Variants in PRAG1 observed in about 807,000 individuals in gnomAD.
PRAG1 encodes the protein PEAK1 related, kinase-activating pseudokinase 1.
Under a neutral mutation model 95.6 loss-of-function variants are expected in PRAG1, and 110 were observed. The ratio of observed to expected loss-of-function variants is 1.15; its 90% CI spans 0.99 to 1.35. PRAG1 has a LOEUF of 1.35. Ranked by LOEUF, PRAG1 falls within the 40% of genes most tolerant of loss-of-function variation. PRAG1 has a pLI of 0.00. For missense variants in PRAG1, 2,554 were observed against 1,864.7 expected, an observed-to-expected ratio of 1.37 and a Z score of -6.81; for synonymous variants, 1,052 against 819.4, an observed-to-expected ratio of 1.28 and a Z score of -4.85.
chr8:8,348,277 T>C (rs1370532332), intron 3 of PRAG1, among the ~76,000 whole-genome samples: 2 of 152,180 alleles, frequency 1.3e-5, no homozygotes, highest in Non-Finnish European at 2.9e-5. Context: ...AAAATCTTTG[T>C]AAAATGGACG....
In PRAG1 at chr8:8,376,996, T is replaced by C. The variant is rs1293265241; in HGVS notation, c.1413A>G (p.Ser471=). The C allele has an allele frequency of 1.2e-6, 2 of 1,613,706 alleles. No individual in the cohort carries two copies. The highest frequency in any genetic ancestry group is 1.3e-5 in the African/African-American group (1 of 74,938). ...RDSPDPTPQV[S]ATITVMAAHP... ...GGGCCGCCATGACTGTGATGGTGGC[T>C]GACACCTGGGGAGTTGGGTCTGGGC... is the stretch of plus-strand genomic sequence containing the variant. The change falls in exon 3 of 6, where the codon TCA becomes TCG. Residue 471 remains serine (S), a synonymous_variant. Coordinates refer to ENST00000615670, the MANE Select transcript of PRAG1 (RefSeq NM_001080826.3).
At chr8:8,324,674 CG>C in intron 5 of PRAG1, among the ~76,000 whole-genome samples, 1 of 152,304 alleles carries the variant, frequency 6.6e-6, no homozygotes, top group East Asian at 1.9e-4. Context: ...AAGTTTCTAA[CG>C]TTTTGCTGAG....
intron 3 of PRAG1, among the ~76,000 whole-genome samples, chr8:8,348,498 T>C (rs1178887057): frequency 1.3e-5 from 2 of 152,166 alleles, no homozygotes; most frequent in African/African-American, 4.8e-5. Context: ...CAAAGTATCA[T>C]CATTTTGGTT....
chr8:8,369,227 T>C (rs773936738), intron 3 of PRAG1, among the ~76,000 whole-genome samples: 6 of 152,110 alleles, frequency 3.9e-5, no homozygotes, highest in African/African-American at 7.2e-5. Context: ...TAATTCTCCA[T>C]TGAACATCTA....
intron 5 of PRAG1, among the ~76,000 whole-genome samples, chr8:8,323,393 C>G (rs553577439): frequency 6.6e-6 from 1 of 151,056 alleles, no homozygotes; most frequent in Non-Finnish European, 1.5e-5. Flanking sequence ...TCTTGGCTCA[C>G]TGCAATCTCC....
rs773878783 is a variant in PRAG1 at position 8,376,742 on chromosome 8, G to A, written c.1667C>T (p.Ser556Phe). 6 of 1,609,808 alleles carry A rather than the reference G, an allele frequency of 3.7e-6. No homozygotes were observed. Among genetic ancestry groups the A allele is most frequent in the South Asian group, 1.1e-5 (1 of 91,066 alleles). Reference sequence around the variant, plus strand: ...CCCTCCAGCAGACGGTGACACCGGGGACCCTACAGGGCTACTCTTGGACAA... The same window carrying A: ...CCCTCCAGCAGACGGTGACACCGGGAACCCTACAGGGCTACTCTTGGACAA... Reference protein sequence around the residue: ...PKLSKSSPVGSPVSPSAGGPP... With the variant: ...PKLSKSSPVGFPVSPSAGGPP... Residue 556 changes from serine (S) to phenylalanine (F), a missense_variant, in exon 3 of 6, where the codon TCC becomes TTC. Ser to Phe is a radical substitution (Grantham distance 155). Transcript: ENST00000615670.
chr8:8,344,408 A>G (rs886879675), intron 3 of PRAG1, among the ~76,000 whole-genome samples: 3 of 152,234 alleles, frequency 2.0e-5, no homozygotes, highest in Admixed American at 2.0e-4. Flanking sequence ...TTGTATAGAG[A>G]TTAAAAACAT....
intron 3 of PRAG1, among the ~76,000 whole-genome samples, chr8:8,341,581 C>G (rs1000095643): frequency 6.6e-6 from 1 of 152,066 alleles, no homozygotes; most frequent in Non-Finnish European, 1.5e-5. Context: ...TATTAAATGC[C>G]TTTTCTACAT....
Position 8,377,792 on chromosome 8 carries a change from C to A in PRAG1, c.617G>T (p.Ser206Ile). The A allele has an allele frequency of 6.2e-7, 1 of 1,614,136 alleles. No homozygotes were observed. The highest frequency in any genetic ancestry group is 8.5e-7 in the Non-Finnish European group (1 of 1,180,050). The change falls in exon 3 of 6, where the codon AGC becomes ATC. Residue 206 changes from serine to isoleucine, a missense_variant. Physicochemically the swap from Ser to Ile is moderately radical, Grantham distance 142 (BLOSUM62 -2). Coordinates refer to ENST00000615670, the MANE Select transcript of PRAG1 (RefSeq NM_001080826.3). Reference protein sequence around the residue: ...PYQDRPSTQESFRQKLAAFAG... With the variant: ...PYQDRPSTQEIFRQKLAAFAG... The stretch of plus-strand genomic sequence containing the variant: ...AAAGGCAGCCAGTTTCTGGCGGAAG[C>A]TCTCCTGGGTGGAGGGCCGGTCTTG...
chr8:8,338,959 T>C (rs552906419), intron 4 of PRAG1, among the ~76,000 whole-genome samples: 4 of 152,296 alleles, frequency 2.6e-5, no homozygotes, highest in South Asian at 2.1e-4. Flanking sequence ...GACCCACCCA[T>C]AGGCCTTAGA....
chr8:8,363,242 C>T (rs1480959944), intron 3 of PRAG1, among the ~76,000 whole-genome samples: 1 of 151,782 alleles, frequency 6.6e-6, no homozygotes, highest in African/African-American at 2.4e-5. Context: ...AAAAAGGAAA[C>T]TTTGAAGAGG....
chr8:8,329,457 G>A (rs577732200), intron 4 of PRAG1, among the ~76,000 whole-genome samples: 3 of 152,046 alleles, frequency 2.0e-5, no homozygotes, highest in Non-Finnish European at 4.4e-5. Flanking sequence ...GCCCCTCATT[G>A]AGTTCTCCAT....
At chr8:8,333,262 G>A (rs938134244) in intron 4 of PRAG1, among the ~76,000 whole-genome samples, 1 of 152,308 alleles carries the variant, frequency 6.6e-6, no homozygotes, top group African/African-American at 2.4e-5. Flanking sequence ...TGGGCCAGAG[G>A]GCTCCAAACC....
chr8:8,385,830 G>A (rs1418561232), intron 1 of PRAG1, among the ~76,000 whole-genome samples: 1 of 152,056 alleles, frequency 6.6e-6, no homozygotes, highest in Non-Finnish European at 1.5e-5. Context: ...GGGGAAAAGG[G>A]CATCATCTCG....
chr8:8,331,456 G>C (rs1208509195), intron 4 of PRAG1, among the ~76,000 whole-genome samples: 1 of 152,104 alleles, frequency 6.6e-6, no homozygotes. Flanking sequence ...AGCACTAATA[G>C]TCTATAATTT....
At chr8:8,349,930 T>TACACACACACACAC (rs67536846) in intron 3 of PRAG1, among the ~76,000 whole-genome samples, 31 of 144,876 alleles carry the variant, frequency 2.1e-4, no homozygotes, top group African/African-American at 8.0e-4. Flanking sequence ...GATAGGAAAA[T>TACACACACACACAC]ACACACACAC....
chr8:8,322,710 A>T (rs1229585607), intron 5 of PRAG1, among the ~76,000 whole-genome samples: 2 of 152,174 alleles, frequency 1.3e-5, no homozygotes, highest in Non-Finnish European at 2.9e-5. Flanking sequence ...TCTGCATGAT[A>T]AAGTCTTGGT....
At chr8:8,369,484 T>C (rs1217763894) in intron 3 of PRAG1, among the ~76,000 whole-genome samples, 1 of 152,170 alleles carries the variant, frequency 6.6e-6, no homozygotes. Flanking sequence ...CTTCAACATT[T>C]CTTGAGCACC....
At chr8:8,329,894 G>C (rs927811837) in intron 4 of PRAG1, among the ~76,000 whole-genome samples, 2 of 152,226 alleles carry the variant, frequency 1.3e-5, no homozygotes, top group African/African-American at 4.8e-5. Context: ...GCATTAGTGA[G>C]CGACAGCAGG....
Sources: allele counts gnomAD v4.1 joint callset (sites outside exome capture counted in the v4.1 genomes callset), GRCh38; gene constraint gnomAD v4.1.1; transcripts MANE v1.5; gene names NCBI Gene and HGNC (gene_info 2026-07-23, HGNC 2026-07-21).